CNTN5: variants seen among roughly 807,000 people sequenced by gnomAD.
CNTN5 encodes the protein contactin-5.
CNTN5 carries 77 observed loss-of-function variants against 129.1 expected under a neutral mutation model. The observed-to-expected ratio is 0.60, with a 90% CI of 0.50 to 0.72. CNTN5 has a LOEUF of 0.72. CNTN5 is among the 30% of genes least tolerant of loss of function. The pLI is 0.00. For synonymous variants in CNTN5, 509 were observed against 465.6 expected, an observed-to-expected ratio of 1.09 and a Z score of -1.20; for missense variants, 1,478 against 1,328.8, an observed-to-expected ratio of 1.11 and a Z score of -1.75.
chr11:99,744,740 G>T (rs1041624016), intron 3 of CNTN5, among the ~76,000 whole-genome samples: 7 of 128,084 alleles, frequency 5.5e-5, no homozygotes, highest in Non-Finnish European at 1.2e-4. Context: ...AAAAAAAAAA[G>T]TTGGAGGTGC....
intron 3 of CNTN5, among the ~76,000 whole-genome samples, chr11:99,655,613 G>A (rs1479898077): frequency 2.0e-5 from 3 of 152,152 alleles, no homozygotes; most frequent in African/African-American, 4.8e-5. Context: ...CTTGGGGACT[G>A]TGGGATTAAT....
chr11:99,651,411 C>T (rs574839267), intron 3 of CNTN5, among the ~76,000 whole-genome samples: 3 of 151,904 alleles, frequency 2.0e-5, no homozygotes, highest in South Asian at 4.2e-4. Context: ...AGCAATTCAT[C>T]CTAGAAAATG....
At chr11:99,470,379 T>A in intron 2 of CNTN5, among the ~76,000 whole-genome samples, 1 of 152,302 alleles carries the variant, frequency 6.6e-6, no homozygotes, top group Non-Finnish European at 1.5e-5. Context: ...ATAAAAATAA[T>A]GTTCATTTTC....
At chr11:99,776,308 G>A (rs1056496963) in intron 3 of CNTN5, among the ~76,000 whole-genome samples, 3 of 151,968 alleles carry the variant, frequency 2.0e-5, no homozygotes, top group Non-Finnish European at 4.4e-5. Flanking sequence ...GAAATGTCAG[G>A]AGAGCTTTTC....
At chr11:99,716,037 T>C (rs1211454140) in intron 3 of CNTN5, among the ~76,000 whole-genome samples, 2 of 152,164 alleles carry the variant, frequency 1.3e-5, no homozygotes, top group South Asian at 2.1e-4. Flanking sequence ...AAAAAAAGTT[T>C]GGAAGATTTT....
intron 10 of CNTN5, 109 bp downstream of exon 10, chr11:100,061,502 A>T: frequency 1.3e-6 from 1 of 746,656 alleles, no homozygotes; most frequent in Non-Finnish European, 2.1e-6. Flanking sequence ...ACCAAGTAAT[A>T]ATTTATAATC....
chr11:99,299,757 T>C (rs1396997523), intron 1 of CNTN5, among the ~76,000 whole-genome samples: 7 of 152,192 alleles, frequency 4.6e-5, no homozygotes. Flanking sequence ...TAGTATTCCA[T>C]AGTGTGCGCA....
chr11:99,043,356 G>C lies in CNTN5; in HGVS notation c.-210+22086G>C, dbSNP rs544577650. On this transcript the variant is annotated intron_variant, in intron 1 of 24. Transcript: ENST00000524871. ...GTGTCCATGTGAGTTAGTGGGTGCA[G>C]CGCACCAGCATGGCACATGTATACA... Among the ~76,000 whole-genome samples the C allele has an allele frequency of 6.3e-5, 9 of 141,852 alleles. No homozygotes were observed. The East Asian group carries it at 1.9e-3, about 30-fold the overall frequency. The allele number at this position is 141,852 out of a possible 152,430, so 93.1% of individuals were successfully genotyped here. A position where few individuals can be genotyped will look rare whatever the true frequency, so the allele number is the denominator to read the frequency against.
intron 3 of CNTN5, among the ~76,000 whole-genome samples, chr11:99,590,880 C>A (rs1383980926): frequency 6.6e-6 from 1 of 151,952 alleles, no homozygotes; most frequent in African/African-American, 2.4e-5. Context: ...ATATTTTTTC[C>A]AAATATGTAT....
chr11:99,711,716 G>A (rs983382206), intron 3 of CNTN5, among the ~76,000 whole-genome samples: 2 of 151,934 alleles, frequency 1.3e-5, no homozygotes, highest in African/African-American at 4.8e-5. Context: ...CCACTTATGA[G>A]TGAGACCATG....
At chr11:99,024,808 T>C (rs1863040134) in intron 1 of CNTN5, among the ~76,000 whole-genome samples, 1 of 151,858 alleles carries the variant, frequency 6.6e-6, no homozygotes, top group Non-Finnish European at 1.5e-5. Flanking sequence ...AAAAAAAGAA[T>C]CTCATTTTTA....
intron 3 of CNTN5, among the ~76,000 whole-genome samples, chr11:99,786,698 C>T (rs1339584094): frequency 2.6e-5 from 4 of 152,130 alleles, no homozygotes; most frequent in Non-Finnish European, 4.4e-5. Flanking sequence ...AGAAATAACA[C>T]TACACATCTA....
chr11:99,582,596 C>G (rs1415807547), intron 3 of CNTN5, among the ~76,000 whole-genome samples: 1 of 152,080 alleles, frequency 6.6e-6, no homozygotes, highest in Admixed American at 6.5e-5. Context: ...TCGCTGATAC[C>G]CTTTCTTCCA....
intron 8 of CNTN5, among the ~76,000 whole-genome samples, chr11:99,963,265 T>A (rs923858041): frequency 6.6e-6 from 1 of 152,160 alleles, no homozygotes; most frequent in African/African-American, 2.4e-5. Context: ...TTGCCTAGGT[T>A]TTCTTCTAGG....
intron 21 of CNTN5, chr11:100,337,693 T>G: frequency 1.8e-6 from 1 of 566,864 alleles, no homozygotes; most frequent in East Asian, 4.2e-5. Context: ...TTTCTCCAGC[T>G]GTGCATATGT....
intron 6 of CNTN5, among the ~76,000 whole-genome samples, chr11:99,893,351 AG>A (rs1423606690): frequency 6.6e-6 from 1 of 152,234 alleles, no homozygotes; most frequent in Non-Finnish European, 1.5e-5. Context: ...AGCAAATAAT[AG>A]GTGGACAACT....
intron 3 of CNTN5, among the ~76,000 whole-genome samples, chr11:99,656,537 T>A (rs1006499460): frequency 1.5e-5 from 2 of 136,888 alleles, no homozygotes; most frequent in Admixed American, 7.6e-5. Flanking sequence ...AGAAAGATAG[T>A]TTAGTAAGTT....
chr11:99,412,868 A>G (rs1942462932), intron 2 of CNTN5, among the ~76,000 whole-genome samples: 2 of 152,174 alleles, frequency 1.3e-5, no homozygotes, highest in Non-Finnish European at 1.5e-5. Flanking sequence ...TTAAATTTGA[A>G]TTAGAAGATC....
intron 2 of CNTN5, among the ~76,000 whole-genome samples, chr11:99,448,654 A>T (rs1944169509): frequency 1.3e-5 from 2 of 151,944 alleles, no homozygotes; most frequent in Non-Finnish European, 2.9e-5. Flanking sequence ...TAGGGTAAAG[A>T]TTTACTCTTG....
Sources: allele counts gnomAD v4.1 joint callset (sites outside exome capture counted in the v4.1 genomes callset), GRCh38; gene constraint gnomAD v4.1.1; transcripts MANE v1.5; gene names NCBI Gene and HGNC (gene_info 2026-07-23, HGNC 2026-07-21).